The following PLPP3 variants were observed in gnomAD, a reference collection of about 807,000 sequenced individuals.
PLPP3 encodes the protein PAP2 beta.
PLPP3 carries 6 observed loss-of-function variants against 29.6 expected under a neutral mutation model. The ratio of observed to expected loss-of-function variants is 0.20; its 90% CI spans 0.11 to 0.40. The LOEUF (loss-of-function observed/expected upper bound fraction) is 0.40. Among genes scored for constraint, PLPP3 ranks in the 10% least tolerant of loss-of-function variants. The pLI is 1.00. For synonymous variants in PLPP3, 152 were observed against 159.7 expected (o/e 0.95, Z 0.36); for missense variants, 308 against 407.7 (o/e 0.76, Z 2.11).
At chr1:56,518,481 G>A (rs1645796912) in intron 4 of PLPP3, among the ~76,000 whole-genome samples, 1 of 152,094 alleles carries the variant, frequency 6.6e-6, no homozygotes. Context: ...ACATTACACA[G>A]GCCCTTAGCA....
intron 4 of PLPP3, among the ~76,000 whole-genome samples, chr1:56,518,510 G>A (rs981610657): frequency 2.0e-4 from 30 of 152,102 alleles, no homozygotes; most frequent in African/African-American, 7.0e-4. Context: ...AGTCCGTGAT[G>A]AGGAGACAAA....
chr1:56,546,188 C>T (rs112122530), intron 1 of PLPP3, among the ~76,000 whole-genome samples: 7 of 152,322 alleles, frequency 4.6e-5, no homozygotes, highest in Middle Eastern at 6.8e-3. Flanking sequence ...GCTGCCTTCC[C>T]GCAGGGAGCA....
intron 2 of PLPP3, among the ~76,000 whole-genome samples, chr1:56,533,092 T>C (rs1569886153): frequency 6.6e-6 from 1 of 151,770 alleles, no homozygotes; most frequent in East Asian, 1.9e-4. Context: ...TCTCATCCTG[T>C]CGCCCAGGCT....
chr1:56,509,586 A>T (rs1569866645), intron 5 of PLPP3, among the ~76,000 whole-genome samples: 1 of 152,102 alleles, frequency 6.6e-6, no homozygotes, highest in South Asian at 2.1e-4. Flanking sequence ...ACACCTGTAA[A>T]CCCAGCACTT....
chr1:56,518,930 G>A (rs1002957952), intron 4 of PLPP3, among the ~76,000 whole-genome samples: 2 of 151,954 alleles, frequency 1.3e-5, no homozygotes, highest in African/African-American at 2.4e-5. Flanking sequence ...AGGCTGCAAA[G>A]GGGCATAGGG....
At chr1:56,539,920 G>A (rs1278900844) in intron 1 of PLPP3, among the ~76,000 whole-genome samples, 1 of 152,154 alleles carries the variant, frequency 6.6e-6, no homozygotes, top group Non-Finnish European at 1.5e-5. Context: ...GAGCCAAAGT[G>A]TTGCTAATAA....
chr1:56,560,939 A>G (rs1251156663), intron 1 of PLPP3, among the ~76,000 whole-genome samples: 2 of 140,196 alleles, frequency 1.4e-5, no homozygotes, highest in African/African-American at 2.7e-5. Context: ...CAGGGTTCAC[A>G]CCATTCTCCT....
chr1:56,525,378 C>T (rs1224969642), intron 2 of PLPP3, among the ~76,000 whole-genome samples: 1 of 152,180 alleles, frequency 6.6e-6, no homozygotes, highest in Non-Finnish European at 1.5e-5. Flanking sequence ...CGATCCTTCT[C>T]AAATCTTTCT....
chr1:56,508,616 G>A (rs1303779718), intron 5 of PLPP3, among the ~76,000 whole-genome samples: 1 of 152,110 alleles, frequency 6.6e-6, no homozygotes, highest in Non-Finnish European at 1.5e-5. Flanking sequence ...CTCCTTCCTG[G>A]CATTCCCTGG....
intron 1 of PLPP3, among the ~76,000 whole-genome samples, chr1:56,544,618 A>T (rs1321614687): frequency 6.6e-6 from 1 of 152,212 alleles, no homozygotes; most frequent in Non-Finnish European, 1.5e-5. Context: ...GAGAGGTTGT[A>T]ATTTGTTTCA....
At chr1:56,561,307 C>T (rs1004616869) in intron 1 of PLPP3, among the ~76,000 whole-genome samples, 3 of 151,806 alleles carry the variant, frequency 2.0e-5, no homozygotes, top group Non-Finnish European at 2.9e-5. Context: ...TACATGAATG[C>T]AAAACTGAAT....
At chr1:56,541,982 A>G (rs970109043) in intron 1 of PLPP3, among the ~76,000 whole-genome samples, 2 of 151,976 alleles carry the variant, frequency 1.3e-5, no homozygotes, top group East Asian at 3.9e-4. Flanking sequence ...AAAAAAAAAA[A>G]AAGAATCTAG....
At chr1:56,538,435 T>A (rs1645943405) in intron 1 of PLPP3, 50 of 416,564 alleles carry the variant, frequency 1.2e-4, no homozygotes, top group South Asian at 1.0e-3. Context: ...ACTGCCATCT[T>A]CCAGTAATTC....
chr1:56,519,087 G>A (rs1489977610), intron 4 of PLPP3, among the ~76,000 whole-genome samples: 1 of 152,062 alleles, frequency 6.6e-6, no homozygotes, highest in East Asian at 1.9e-4. Flanking sequence ...CAAAGTGGCT[G>A]CCTAATGCAC....
At chr1:56,511,808 A>G (rs1368085183) in intron 5 of PLPP3, among the ~76,000 whole-genome samples, 168 bp downstream of exon 5, 1 of 151,810 alleles carries the variant, frequency 6.6e-6, no homozygotes, top group African/African-American at 2.4e-5. Context: ...AATTATTCTC[A>G]TTTTACTGAA....
chr1:56,500,529 C>A (rs1398641760), intron 5 of PLPP3, among the ~76,000 whole-genome samples: 1 of 152,164 alleles, frequency 6.6e-6, no homozygotes, highest in Non-Finnish European at 1.5e-5. Context: ...TACAGCACAT[C>A]CAGGAGCTGC....
rs10888976 is a variant in PLPP3 at position 56,495,682 on chromosome 1, T to C, written c.*869A>G. 0.9 allele frequency: 137,903 copies of C among 152,730 alleles called. 62,922 individuals carry two copies. The highest frequency in any genetic ancestry group is 0.98 in the Non-Finnish European group (66,419 of 68,058). 9.5% of individuals were successfully genotyped at this position (152,730 alleles called of 1,614,324 possible). A position where few individuals can be genotyped will look rare whatever the true frequency, so the allele number is the denominator to read the frequency against. On this transcript the variant is annotated 3_prime_UTR_variant, in exon 6 of 6. Coordinates refer to ENST00000371250, the MANE Select transcript of PLPP3 (RefSeq NM_003713.5). Reference sequence around the variant, plus strand: ...TGGCAGACCATGCCTTGCTCATTCCTGGGCCCTCACAGGAAATCCTGGTGG... The same window carrying C: ...TGGCAGACCATGCCTTGCTCATTCCCGGGCCCTCACAGGAAATCCTGGTGG...
At chr1:56,523,252 C>G (rs150800879) in intron 4 of PLPP3, among the ~76,000 whole-genome samples, 6 of 152,078 alleles carry the variant, frequency 3.9e-5, no homozygotes, top group Non-Finnish European at 8.8e-5. Flanking sequence ...CCCTTCCATC[C>G]GTAGAATATA....
intron 5 of PLPP3, among the ~76,000 whole-genome samples, chr1:56,497,567 T>C (rs927252912): frequency 6.6e-6 from 1 of 152,248 alleles, no homozygotes; most frequent in African/African-American, 2.4e-5. Context: ...TGTAATTTAA[T>C]AGGAAACACT....
Sources: allele counts gnomAD v4.1 joint callset (sites outside exome capture counted in the v4.1 genomes callset), GRCh38; gene constraint gnomAD v4.1.1; transcripts MANE v1.5; gene names NCBI Gene and HGNC (gene_info 2026-07-23, HGNC 2026-07-21).